Variants in DNM2 observed in about 807,000 individuals in gnomAD.
DNM2 encodes dynamin-2.
In DNM2, 15 loss-of-function variants were observed where a neutral mutation model predicts 99.0. That is an observed-to-expected ratio of 0.15 (90% CI 0.10 to 0.23). The LOEUF (loss-of-function observed/expected upper bound fraction) is 0.23, where lower values mean the gene tolerates loss of function less well. DNM2 is among the 10% of genes least tolerant of loss of function. The pLI is 1.00. For missense variants in DNM2, 742 were observed against 1,189.4 expected (o/e 0.62, Z 5.53); for synonymous variants, 525 against 481.2 (o/e 1.09, Z -1.19).
intron 12 of DNM2, among the ~76,000 whole-genome samples, chr19:10,804,882 G>A (rs1360913930): frequency 2.0e-5 from 3 of 152,194 alleles, no homozygotes; most frequent in African/African-American, 4.8e-5. Flanking sequence ...GAGGTAGTCA[G>A]CAAAGGAAGG....
Position 10,800,916 on chromosome 19 carries a change from C to T in DNM2, c.1423-1372C>T, listed in dbSNP as rs145471312. Among the ~76,000 whole-genome samples, 134 of 152,318 alleles carry T rather than the reference C, an allele frequency of 8.8e-4. No homozygotes were observed. The East Asian group carries it at 0.012, about 13-fold the overall frequency. ...TAGCTTGAGCGTGTGTGTGTGTGCG[C>T]GCGTGCACGTGCACGTGTGTGTTTT... On this transcript the variant is annotated intron_variant, in intron 11 of 20. Transcript: ENST00000389253.
At position 10,775,899 on chromosome 19, in the gene DNM2, TC is replaced by T; in HGVS notation, c.586del (p.Gln196LysfsTer14). ...CCCTCAAGCTGGCCAAGGAAGTCGA[TC>T]CCCAAGGTAACCCTGAGCCTAGGGC... ...DALKLAKEVD[P>X]QGLRTIGVIT... On this transcript the variant is annotated frameshift_variant, in exon 4 of 21. Coordinates refer to ENST00000389253, the MANE Select transcript of DNM2 (RefSeq NM_001005361.3). LOFTEE classifies it high-confidence loss of function. The surrounding 1 kb of genome is among the most constrained non-coding windows in gnomAD (Gnocchi z 4.3). The T allele has an allele frequency of 6.2e-7, 1 of 1,611,820 alleles. No homozygotes were observed.
At chr19:10,826,937 G>T (rs2073159638) in intron 18 of DNM2, among the ~76,000 whole-genome samples, 1 of 151,868 alleles carries the variant, frequency 6.6e-6, no homozygotes, top group Non-Finnish European at 1.5e-5. Context: ...ACAGAAACCT[G>T]CGGATCTAAG....
chr19:10,823,569 C>T (rs564501147), intron 16 of DNM2: 1 of 565,572 alleles, frequency 1.8e-6, no homozygotes, highest in Middle Eastern at 3.9e-4. Context: ...TCAGCTGATC[C>T]AACAGAAACA....
chr19:10,779,988 C>G (rs2071305065), intron 5 of DNM2, among the ~76,000 whole-genome samples: 1 of 152,116 alleles, frequency 6.6e-6, no homozygotes, highest in Non-Finnish European at 1.5e-5. Flanking sequence ...TTCCTCCCCT[C>G]TGGCATCTAC....
At position 10,795,758 on chromosome 19, in the gene DNM2, G is replaced by T; in HGVS notation, c.1196+319G>T. Reference sequence around the variant, plus strand: ...ACTGCAGATTTGCCTGGGGAGGGGCGGGGCGGCACTGAATCAGGGTTTTGG... The same window carrying T: ...ACTGCAGATTTGCCTGGGGAGGGGCTGGGCGGCACTGAATCAGGGTTTTGG... On this transcript the variant is annotated intron_variant, in intron 9 of 20. Transcript: ENST00000389253. This position sits in a 1 kb window ranked among gnomAD's most constrained non-coding sequence, Gnocchi z 4.2. The T allele has an allele frequency of 1.7e-6, 1 of 580,404 alleles. No individual in the cohort carries two copies. 36.0% of individuals were successfully genotyped at this position (580,404 alleles called of 1,614,324 possible). A position where few individuals can be genotyped will look rare whatever the true frequency, so the allele number is the denominator to read the frequency against.
chr19:10,732,328 C>T (rs1599434281), intron 1 of DNM2, among the ~76,000 whole-genome samples: 1 of 143,254 alleles, frequency 7.0e-6, no homozygotes, highest in East Asian at 2.2e-4. Context: ...ACAGGCCGGG[C>T]GGTGGCTCAT....
At chr19:10,733,377 G>C (rs1167231231) in intron 1 of DNM2, among the ~76,000 whole-genome samples, 2 of 151,058 alleles carry the variant, frequency 1.3e-5, no homozygotes, top group African/African-American at 2.4e-5. Context: ...ATTTTCGGTA[G>C]AGACAGGGTT....
At chr19:10,739,859 CTCAAAAAAA>C (rs1568272122) in intron 1 of DNM2, among the ~76,000 whole-genome samples, 1 of 109,758 alleles carries the variant, frequency 9.1e-6, no homozygotes, top group African/African-American at 3.7e-5. Context: ...CTCTCTCTCT[CTCAAAAAAA>C]AAAAAAAAAA....
chr19:10,803,636 C>A, intron 12 of DNM2: 2 of 986,376 alleles, frequency 2.0e-6, no homozygotes, highest in Non-Finnish European at 2.4e-6. Flanking sequence ...CCACTTACCC[C>A]AGCTGTTACT....
intron 16 of DNM2, among the ~76,000 whole-genome samples, chr19:10,822,108 C>T (rs188276520): frequency 6.6e-6 from 1 of 152,316 alleles, no homozygotes; most frequent in East Asian, 1.9e-4. Flanking sequence ...CTGTAGACCA[C>T]CATCTGCAAG....
At chr19:10,725,081 T>C (rs941760138) in intron 1 of DNM2, among the ~76,000 whole-genome samples, 8 of 152,236 alleles carry the variant, frequency 5.3e-5, no homozygotes, top group African/African-American at 1.7e-4. Context: ...CTTATTAGTT[T>C]AGAGCCACTT....
rs558661716 is a variant in DNM2 at position 10,764,332 on chromosome 19, A to G, written c.235+4521A>G. On this transcript the variant is annotated intron_variant, in intron 2 of 20. Coordinates refer to ENST00000389253, the MANE Select transcript of DNM2 (RefSeq NM_001005361.3). The surrounding 1 kb of genome is among the most constrained non-coding windows in gnomAD (Gnocchi z 4.1). ...CTCTTCCTGTGGGGTCTGATGTCCA[A>G]AGACAGGGCCCCCAGGGCGCAGCCC... 1.8e-4 allele frequency among the ~76,000 whole-genome samples: 27 copies of G among 152,274 alleles called. No homozygotes were observed. The highest frequency in any genetic ancestry group is 9.8e-4 in the Admixed American group (15 of 15,304).
At chr19:10,805,781 T>C (rs1202506357) in intron 12 of DNM2, 135 bp from the exon 13 acceptor site, 1 of 1,038,584 alleles carries the variant, frequency 9.6e-7, no homozygotes, top group African/African-American at 1.6e-5. Flanking sequence ...GCTCTGTGTG[T>C]GCAGGGGGCT....
chr19:10,824,274 G>A, intron 17 of DNM2: 1 of 309,356 alleles, frequency 3.2e-6, no homozygotes, highest in South Asian at 2.9e-5. Context: ...GGCTGAGGTG[G>A]GCAGATCATT....
intron 18 of DNM2, among the ~76,000 whole-genome samples, chr19:10,827,513 G>A (rs2073180673): frequency 6.6e-6 from 1 of 152,020 alleles, no homozygotes; most frequent in Admixed American, 6.6e-5. Flanking sequence ...AGGCTGCGGT[G>A]AGCAAAGATC....
At chr19:10,793,288 A>G (rs1374550861) in intron 7 of DNM2, among the ~76,000 whole-genome samples, 1 of 152,230 alleles carries the variant, frequency 6.6e-6, no homozygotes, top group Non-Finnish European at 1.5e-5. Flanking sequence ...AAGGCCTCAC[A>G]TCCCATCGAT....
At chr19:10,761,496 ACCC>A (rs2070632148) in intron 2 of DNM2, among the ~76,000 whole-genome samples, 3 of 151,986 alleles carry the variant, frequency 2.0e-5, no homozygotes, top group Non-Finnish European at 4.4e-5. Flanking sequence ...CAGAAGCTAG[ACCC>A]GGGAGAGGTA....
rs931436229 is a variant in DNM2 at position 10,807,334 on chromosome 19, G to A, written c.1546-1235G>A. Among the ~76,000 whole-genome samples, 12 of 151,688 alleles carry A rather than the reference G, an allele frequency of 7.9e-5. No individual in the cohort carries two copies. In the East Asian group the frequency reaches 1.6e-3, roughly 20 times the overall value. ...CAGCTCACTGCAACCTCCACCTCCCGGGTTCAAGCAATTCTCTGCCTCAGC... is the reference window on the plus strand; with the variant it reads ...CAGCTCACTGCAACCTCCACCTCCCAGGTTCAAGCAATTCTCTGCCTCAGC... On this transcript the variant is annotated intron_variant, in intron 13 of 20. Transcript: ENST00000389253.
Sources: allele counts gnomAD v4.1 joint callset (sites outside exome capture counted in the v4.1 genomes callset), GRCh38; gene constraint gnomAD v4.1.1; non-coding constraint Gnocchi (gnomAD v3.1); transcripts MANE v1.5; gene names NCBI Gene and HGNC (gene_info 2026-07-23, HGNC 2026-07-21).